ATP5MC1: variants seen among roughly 807,000 people sequenced by gnomAD.
ATP5MC1 encodes the protein ATP synthase F(0) complex subunit C1, mitochondrial.
A neutral mutation model predicts 12.1 loss-of-function variants in ATP5MC1; 4 were observed. That is an observed-to-expected ratio of 0.33 (90% CI 0.16 to 0.76). The LOEUF (loss-of-function observed/expected upper bound fraction) is 0.76. ATP5MC1 is among the 30% of genes least tolerant of loss of function. The pLI is 0.61. For synonymous variants in ATP5MC1, 52 were observed against 66.0 expected (o/e 0.79, Z 1.03); for missense variants, 117 against 172.1 (o/e 0.68, Z 1.79).
chr17:48,893,589 G>A (rs555675950), intron 2 of ATP5MC1, 133 bp downstream of exon 2: 22 of 1,019,210 alleles, frequency 2.2e-5, no homozygotes, highest in African/African-American at 3.2e-5. Flanking sequence ...AGGATGTGAT[G>A]AAGGTAACCC....
At chr17:48,893,349 T>TC in intron 1 of ATP5MC1, 60 bp from the exon 2 acceptor site, 1 of 1,579,344 alleles carries the variant, frequency 6.3e-7, no homozygotes, top group Non-Finnish European at 8.6e-7. Flanking sequence ...AGGTCGTCAT[T>TC]ATAAGCAAAC....
rs773332067 is a variant in ATP5MC1, at chr17:48,894,467, C to T, written c.117+18C>T. The stretch of plus-strand genomic sequence containing the variant: ...CTAAACAGGTAAGGGAGGAATAGCT[C>T]TCTTAGGAATGTTCCCAAGGCCCAG... On this transcript the variant is annotated intron_variant, in intron 3 of 4. Coordinates refer to ENST00000393366, the MANE Select transcript of ATP5MC1 (RefSeq NM_005175.3). The T allele has an allele frequency of 5.0e-6, 8 of 1,610,936 alleles. No homozygotes were observed. The highest frequency in any genetic ancestry group is 6.8e-6 in the Non-Finnish European group (8 of 1,178,758).
intron 2 of ATP5MC1, 199 bp downstream of exon 2, chr17:48,893,655 G>C: frequency 3.1e-6 from 2 of 635,028 alleles, no homozygotes; most frequent in Non-Finnish European, 5.5e-6. Flanking sequence ...TGGTCAGAGA[G>C]TCTGGATTTG....
chr17:48,893,377 GATT>G, intron 1 of ATP5MC1, 29 bp from the exon 2 acceptor site: 1 of 1,611,494 alleles, frequency 6.2e-7, no homozygotes, highest in Non-Finnish European at 8.5e-7. Context: ...GTCTCAGTGG[GATT>G]ATTATTACTA....
chr17:48,895,680 T>C lies in ATP5MC1; in HGVS notation c.322T>C (p.Phe108Leu). The change falls in exon 5 of 5, where the codon TTC (phenylalanine) becomes CTC (leucine). Residue 108 changes from phenylalanine (F) to leucine (L), a missense_variant. Transcript: ENST00000393366. ...GAACCCGTCTCTCAAGCAGCAGCTC[T>C]TCTCCTATGCCATTCTTGGCTTTGC... ...ARNPSLKQQLFSYAILGFALS... is the reference protein window; with the variant it reads ...ARNPSLKQQLLSYAILGFALS... The C allele has an allele frequency of 6.2e-7, 1 of 1,613,968 alleles. No individual in the cohort carries two copies. The highest frequency in any genetic ancestry group is 2.2e-5 in the East Asian group (1 of 44,868).
In ATP5MC1 at chr17:48,895,834, G is replaced by T; in HGVS notation, c.*65G>T. On this transcript the variant is annotated 3_prime_UTR_variant, in exon 5 of 5. Coordinates refer to ENST00000393366, the MANE Select transcript of ATP5MC1 (RefSeq NM_005175.3). Reference sequence around the variant, plus strand: ...TCCACACCATTCTTGGTGCTGGGGTGTGTTAAGCTTTACCATTAAACACAA... The same window carrying T: ...TCCACACCATTCTTGGTGCTGGGGTTTGTTAAGCTTTACCATTAAACACAA... 6.9e-7 allele frequency: 1 copy of T among 1,459,302 alleles called. No homozygotes were observed. Among genetic ancestry groups the T allele is most frequent in the Non-Finnish European group, 9.6e-7 (1 of 1,044,758 alleles). The allele number at this position is 1,459,302 out of a possible 1,614,324, so 90.4% of individuals were successfully genotyped here.
intron 2 of ATP5MC1, 152 bp from the exon 3 acceptor site, chr17:48,894,220 G>A: frequency 1.4e-6 from 1 of 721,022 alleles, no homozygotes. Flanking sequence ...TGTCTCTGGG[G>A]CAGGCCTATC....
At chr17:48,893,839 ATC>A in intron 2 of ATP5MC1, 4 of 264,034 alleles carry the variant, frequency 1.5e-5, no homozygotes, top group Non-Finnish European at 2.9e-5. Flanking sequence ...AGGCATCTGT[ATC>A]TTTTAAGACT....
At position 48,894,383 on chromosome 17, in the gene ATP5MC1, T is replaced by G. The variant is rs763726177; in HGVS notation, c.51T>G (p.Cys17Trp). Residue 17 changes from cysteine to tryptophan, a missense_variant, in exon 3 of 5, where the codon TGT becomes TGG. Cys to Trp is a radical substitution (Grantham distance 215). Transcript: ENST00000393366. ...LFISPALIRC[C>W]TRGLIRPVSA... ...TTCTGATTTTACAGATCCGCTGTTG[T>G]ACCAGGGGTCTAATCAGGCCTGTGT... 6.2e-7 allele frequency: 1 copy of G among 1,614,118 alleles called. No individual in the cohort carries two copies. Among genetic ancestry groups the G allele is most frequent in the East Asian group, 2.2e-5 (1 of 44,886 alleles).
At chr17:48,893,827 C>T (rs774995045) in intron 2 of ATP5MC1, 2 of 281,034 alleles carry the variant, frequency 7.1e-6, no homozygotes, top group Non-Finnish European at 6.7e-6. Context: ...GGGGTGGAAC[C>T]CAGGCATCTG....
At position 48,894,734 on chromosome 17, in the gene ATP5MC1, C is replaced by A; in HGVS notation, c.117+285C>A. ...TGTGACTATGCCACTGCACTCCAGA[C>A]TGGGTGACAGAGCAAGACCCTGACT... On this transcript the variant is annotated intron_variant, in intron 3 of 4. Coordinates refer to ENST00000393366, the MANE Select transcript of ATP5MC1 (RefSeq NM_005175.3). 3 of 522,396 alleles carry A rather than the reference C, an allele frequency of 5.7e-6. No individual in the cohort carries two copies. The East Asian group carries it at 1.3e-4, about 23-fold the overall frequency. 32.4% of individuals were successfully genotyped at this position (522,396 alleles called of 1,614,324 possible). A position where few individuals can be genotyped will look rare whatever the true frequency, so the allele number is the denominator to read the frequency against.
rs1265751013 is a variant in ATP5MC1 at position 48,895,152 on chromosome 17, C to T, written c.118-4C>T. ...TATCTCGCCTGCCTTGCTTCTCTTT[C>T]TAGCCTTCCTACAGCAACTTCCCAC... On this transcript the variant is annotated splice_region_variant and splice_polypyrimidine_tract_variant and intron_variant, in intron 3 of 4. Transcript: ENST00000393366. 6.3e-7 allele frequency: 1 copy of T among 1,599,338 alleles called. No homozygotes were observed. Among genetic ancestry groups the T allele is most frequent in the Admixed American group, 1.7e-5 (1 of 59,544 alleles).
At position 48,895,687 on chromosome 17, in the gene ATP5MC1, A is replaced by G; in HGVS notation, c.329A>G (p.Tyr110Cys). ...TCTCTCAAGCAGCAGCTCTTCTCCTATGCCATTCTTGGCTTTGCCCTGTCT... is the reference window on the plus strand; with the variant it reads ...TCTCTCAAGCAGCAGCTCTTCTCCTGTGCCATTCTTGGCTTTGCCCTGTCT... ...NPSLKQQLFS[Y>C]AILGFALSEA... Residue 110 changes from tyrosine to cysteine, a missense_variant, in exon 5 of 5, where the codon TAT becomes TGT. Coordinates refer to ENST00000393366, the MANE Select transcript of ATP5MC1 (RefSeq NM_005175.3). 1.9e-6 allele frequency: 3 copies of G among 1,613,748 alleles called. No homozygotes were observed. Among genetic ancestry groups the G allele is most frequent in the Non-Finnish European group, 2.5e-6 (3 of 1,179,890 alleles).
intron 4 of ATP5MC1, 88 bp from the exon 5 acceptor site, chr17:48,895,567 C>G (rs2040565170): frequency 4.4e-6 from 6 of 1,352,542 alleles, no homozygotes; most frequent in Admixed American, 1.7e-5. Flanking sequence ...CCAGGAGTAA[C>G]AGTCCCCATT....
intron 1 of ATP5MC1, 25 bp from the exon 2 acceptor site, chr17:48,893,384 A>T: frequency 6.2e-7 from 1 of 1,612,846 alleles, no homozygotes; most frequent in Non-Finnish European, 8.5e-7. Context: ...TGGGATTATT[A>T]TTACTATTTT....
At chr17:48,895,356 C>G in intron 4 of ATP5MC1, 22 bp downstream of exon 4, 1 of 1,564,870 alleles carries the variant, frequency 6.4e-7, no homozygotes, top group Non-Finnish European at 8.7e-7. Flanking sequence ...TGGTCTACAG[C>G]ATCTCCCACT....
intron 2 of ATP5MC1, 90 bp from the exon 3 acceptor site, chr17:48,894,282 T>G (rs1356417457): frequency 8.0e-7 from 1 of 1,242,680 alleles, no homozygotes; most frequent in East Asian, 2.3e-5. Flanking sequence ...TTATTCTGTT[T>G]ATGAAATCTG....
At chr17:48,895,069 G>T in intron 3 of ATP5MC1, 87 bp from the exon 4 acceptor site, 1 of 1,482,662 alleles carries the variant, frequency 6.7e-7, no homozygotes. Flanking sequence ...GAGCTCAGGT[G>T]GGTGGGGTGA....
intron 3 of ATP5MC1, 68 bp downstream of exon 3, chr17:48,894,517 C>A: frequency 6.6e-7 from 1 of 1,514,808 alleles, no homozygotes; most frequent in Non-Finnish European, 9.1e-7. Context: ...CCTGTAATCC[C>A]AGCTCTTTGA....
Sources: allele counts gnomAD v4.1 joint callset, GRCh38; gene constraint gnomAD v4.1.1; transcripts MANE v1.5; gene names NCBI Gene and HGNC (gene_info 2026-07-23, HGNC 2026-07-21).